Variants in FRAS1 observed in about 807,000 individuals in gnomAD.
FRAS1 encodes extracellular matrix organizing protein FRAS1.
Under a neutral mutation model 435.2 loss-of-function variants are expected in FRAS1, and 290 were observed. The observed-to-expected ratio is 0.67, with a 90% confidence interval of 0.61 to 0.73. The LOEUF (loss-of-function observed/expected upper bound fraction) is 0.73, where lower values mean the gene tolerates loss of function less well. Ranked by LOEUF, FRAS1 falls within the 30% of genes least tolerant of loss-of-function variation. FRAS1 has a pLI of 0.00. For synonymous variants in FRAS1, 1,800 were observed against 1,851.0 expected, an observed-to-expected ratio of 0.97 and a Z score of 0.71; for missense variants, 4,860 against 5,001.5, an observed-to-expected ratio of 0.97 and a Z score of 0.85.
chr4:78,326,410 G>C (rs1729719299), intron 18 of FRAS1, among the ~76,000 whole-genome samples: 1 of 152,186 alleles, frequency 6.6e-6, no homozygotes, highest in Admixed American at 6.5e-5. Context: ...GCTACCAAGT[G>C]AGATAGGGAA....
intron 2 of FRAS1, among the ~76,000 whole-genome samples, chr4:78,156,680 T>C (rs1321138585): frequency 1.3e-5 from 2 of 152,176 alleles, no homozygotes; most frequent in Non-Finnish European, 2.9e-5. Context: ...GACCTCTTTC[T>C]TGGGGCCTTT....
At chr4:78,131,061 T>C (rs1719659061) in intron 2 of FRAS1, among the ~76,000 whole-genome samples, 7 of 152,224 alleles carry the variant, frequency 4.6e-5, no homozygotes, top group Admixed American at 4.6e-4. Flanking sequence ...AAAAATTATA[T>C]TTTTTCTTAA....
Position 78,318,938 on chromosome 4 carries a change from G to T in FRAS1, c.2089G>T (p.Ala697Ser), listed in dbSNP as rs375932567. The change falls in exon 18 of 74, where the codon GCC becomes TCC. Residue 697 changes from alanine to serine, a missense_variant. Physicochemically the swap from Ala to Ser is moderately conservative, Grantham distance 99. Coordinates refer to ENST00000512123, the MANE Select transcript of FRAS1 (RefSeq NM_025074.7). ...DVGIPSGECL[A>S]QCRAHFYLES... ...GGGCATCCCCTCTGGCGAGTGTCTA[G>T]CCCAGTGTAGAGCCCATTTTTACTT... The T allele has an allele frequency of 3.1e-6, 5 of 1,613,864 alleles. No homozygotes were observed. Among genetic ancestry groups the T allele is most frequent in the Non-Finnish European group, 4.2e-6 (5 of 1,179,872 alleles).
At chr4:78,326,444 G>A (rs2110248706) in intron 18 of FRAS1, among the ~76,000 whole-genome samples, 1 of 152,340 alleles carries the variant, frequency 6.6e-6, no homozygotes, top group East Asian at 1.9e-4. Context: ...GCAGGTAGGG[G>A]AGTAGGATGT....
At chr4:78,528,576 T>C (rs1238421953) in intron 70 of FRAS1, among the ~76,000 whole-genome samples, 3 of 152,180 alleles carry the variant, frequency 2.0e-5, no homozygotes, top group African/African-American at 7.2e-5. Context: ...TCATCTGTGT[T>C]GGGTGTATCA....
intron 2 of FRAS1, among the ~76,000 whole-genome samples, chr4:78,081,503 C>CA (rs1740894882): frequency 6.6e-6 from 1 of 152,102 alleles, no homozygotes; most frequent in Non-Finnish European, 1.5e-5. Context: ...GTGAACTCCC[C>CA]CTATCCAGCC....
intron 6 of FRAS1, among the ~76,000 whole-genome samples, chr4:78,258,975 C>A (rs11942820): frequency 1.2e-4 from 15 of 128,318 alleles, no homozygotes; most frequent in African/African-American, 2.3e-4. Flanking sequence ...TTTGTTCTTG[C>A]GATAGTTTAC....
At position 78,526,524 on chromosome 4, in the gene FRAS1, G is replaced by T. The variant is rs774666622; in HGVS notation, c.10809-17G>T. 3 of 1,523,192 alleles carry T rather than the reference G, an allele frequency of 2.0e-6. No homozygotes were observed. In the Admixed American group the frequency reaches 5.6e-5, roughly 28 times the overall value. The allele number at this position is 1,523,192 out of a possible 1,614,324, so 94.4% of individuals were successfully genotyped here. A position where few individuals can be genotyped will look rare whatever the true frequency, so the allele number is the denominator to read the frequency against. On this transcript the variant is annotated splice_polypyrimidine_tract_variant and intron_variant, in intron 69 of 73. Coordinates refer to ENST00000512123, the MANE Select transcript of FRAS1 (RefSeq NM_025074.7). ...CAGTTGTTCCCTACGATCACAGTCT[G>T]CTCTGCATGTTTCCAGGAAGGACTA...
At chr4:78,304,095 C>T (rs11722336) in intron 14 of FRAS1, among the ~76,000 whole-genome samples, 50,978 of 145,100 alleles carry the variant, frequency 0.35, 10,067 homozygotes, top group African/African-American at 0.5. Context: ...AAGGCCTTTT[C>T]TGCATCTATT....
At chr4:78,428,760 C>T (rs1205832006) in intron 35 of FRAS1, among the ~76,000 whole-genome samples, 1 of 152,186 alleles carries the variant, frequency 6.6e-6, no homozygotes, top group African/African-American at 2.4e-5. Flanking sequence ...CCAGTAGCAT[C>T]TATGGGTGCA....
At chr4:78,231,555 A>C (rs1377987935) in intron 2 of FRAS1, among the ~76,000 whole-genome samples, 1 of 152,028 alleles carries the variant, frequency 6.6e-6, no homozygotes, top group African/African-American at 2.4e-5. Context: ...TGGTCTAAGA[A>C]GCCAAGGGAA....
chr4:78,132,401 T>C (rs58118093), intron 2 of FRAS1, among the ~76,000 whole-genome samples: 19,158 of 152,246 alleles, frequency 0.13, 1,344 homozygotes, highest in Admixed American at 0.17. Flanking sequence ...ATCTAAGCAA[T>C]AGCACCACAT....
At chr4:78,511,848 A>G (rs186752456) in intron 64 of FRAS1, among the ~76,000 whole-genome samples, 2 of 152,256 alleles carry the variant, frequency 1.3e-5, no homozygotes, top group African/African-American at 2.4e-5. Context: ...CTACTGTCCT[A>G]CAATACCTAC....
At chr4:78,247,643 A>AT (rs1725306233) in intron 4 of FRAS1, among the ~76,000 whole-genome samples, 1 of 152,100 alleles carries the variant, frequency 6.6e-6, no homozygotes, top group African/African-American at 2.4e-5. Flanking sequence ...CATCACTTGC[A>AT]TCACTAGTTT....
chr4:78,309,869 C>G (rs1728947756), intron 15 of FRAS1, among the ~76,000 whole-genome samples: 1 of 151,912 alleles, frequency 6.6e-6, no homozygotes, highest in Non-Finnish European at 1.5e-5. Context: ...TTTTTCATAG[C>G]TAAGTCCACC....
chr4:78,315,881 A>G (rs1304499527), intron 16 of FRAS1, 147 bp downstream of exon 16: 13 of 913,398 alleles, frequency 1.4e-5, no homozygotes, highest in East Asian at 2.7e-5. Flanking sequence ...TATGAAGCCA[A>G]TGTGTATTTG....
In FRAS1 at chr4:78,469,972, C is replaced by G. The variant is rs1442850923; in HGVS notation, c.7258-6C>G. The G allele has an allele frequency of 6.2e-7, 1 of 1,608,258 alleles. No individual in the cohort carries two copies. Among genetic ancestry groups the G allele is most frequent in the Non-Finnish European group, 8.5e-7 (1 of 1,175,300 alleles). ...GATGAGTTTTCTTTTCTGCCCTCCC[C>G]TTCAGATTATGACAGCAGCACCTCA... On this transcript the variant is annotated splice_polypyrimidine_tract_variant and splice_region_variant and intron_variant, in intron 50 of 73. Coordinates refer to ENST00000512123, the MANE Select transcript of FRAS1 (RefSeq NM_025074.7).
At position 78,317,458 on chromosome 4, in the gene FRAS1, G is replaced by A; in HGVS notation, c.1910G>A (p.Cys637Tyr). ...SPPKALRQGH[C>Y]LPRCGEGFYS... ...CCCAAGGCTCTGCGTCAAGGCCACT[G>A]TCTGCCCCGCTGTGGAGAGGGTTTC... Residue 637 changes from cysteine to tyrosine, a missense_variant, in exon 17 of 74, where the codon TGT (cysteine) becomes TAT (tyrosine). Cys to Tyr is a radical substitution (Grantham distance 194). Transcript: ENST00000512123. The A allele has an allele frequency of 6.2e-7, 1 of 1,613,882 alleles. No homozygotes were observed.
At chr4:78,182,413 G>C (rs770332418) in intron 2 of FRAS1, among the ~76,000 whole-genome samples, 2 of 152,158 alleles carry the variant, frequency 1.3e-5, no homozygotes, top group Non-Finnish European at 2.9e-5. Flanking sequence ...CAAGTAAGAG[G>C]TAACCAGGCA....
Sources: gnomAD v4.1 joint callset for allele counts (sites outside exome capture counted in the v4.1 genomes callset) on GRCh38, gnomAD v4.1.1 for gene constraint, MANE v1.5 for transcripts, NCBI Gene and HGNC (gene_info 2026-07-23, HGNC 2026-07-21) for gene names.